The following CEP112 variants were observed in gnomAD, a reference collection of about 807,000 sequenced individuals.
CEP112 encodes the protein centrosomal protein of 112 kDa.
In CEP112, 127 loss-of-function variants were observed where a neutral mutation model predicts 153.0. The ratio of observed to expected loss-of-function variants is 0.83; its 90% CI spans 0.72 to 0.96. The LOEUF is 0.96. CEP112 is among the 40% of genes least tolerant of loss of function. The pLI is 0.00. For missense variants in CEP112, 1,089 were observed against 1,101.2 expected, an observed-to-expected ratio of 0.99 and a Z score of 0.16; for synonymous variants, 358 against 374.4, an observed-to-expected ratio of 0.96 and a Z score of 0.51.
intron 21 of CEP112, 27 bp downstream of exon 21, chr17:65,851,777 T>C (rs763199697): frequency 6.5e-7 from 1 of 1,531,572 alleles, no homozygotes; most frequent in Non-Finnish European, 9.0e-7. Context: ...TTCAACTGCC[T>C]ATTAAAAAAC....
chr17:65,987,822 C>T (rs960235856), intron 17 of CEP112, among the ~76,000 whole-genome samples: 8 of 152,152 alleles, frequency 5.3e-5, no homozygotes, highest in Admixed American at 4.6e-4. Context: ...AATTTCCCCT[C>T]GACCCAGAGT....
rs759825168 is a variant in CEP112 at position 66,025,920 on chromosome 17, T to TAC, written c.1656+1579_1656+1580dup. Reference sequence around the variant, plus strand: ...ATGACTGGATAAAGAAAATGTGGCATACACACACACACACACACACACACA... The same window carrying TAC: ...ATGACTGGATAAAGAAAATGTGGCATACACACACACACACACACACACACACA... On this transcript the variant is annotated intron_variant, in intron 16 of 26. Transcript: ENST00000535342. 1.8e-3 allele frequency among the ~76,000 whole-genome samples: 227 copies of TAC among 124,594 alleles called. 2 individuals carry two copies. The highest frequency in any genetic ancestry group is 8.3e-3 in the South Asian group (30 of 3,612). The allele number at this position is 124,594 out of a possible 152,430, so 81.7% of individuals were successfully genotyped here. A position where few individuals can be genotyped will look rare whatever the true frequency, so the allele number is the denominator to read the frequency against.
chr17:65,887,936 G>C (rs763129514), intron 20 of CEP112, among the ~76,000 whole-genome samples: 2 of 152,106 alleles, frequency 1.3e-5, no homozygotes, highest in Admixed American at 1.3e-4. Context: ...TTCAAAGCAG[G>C]TAAAGTTTGC....
chr17:65,784,870 T>C lies in CEP112; in HGVS notation c.2395-34146A>G, dbSNP rs527686544. Among the ~76,000 whole-genome samples, 5 of 152,332 alleles carry C rather than the reference T, an allele frequency of 3.3e-5. 1 individual carries two copies. In the East Asian group the frequency reaches 9.7e-4, roughly 29 times the overall value. On this transcript the variant is annotated intron_variant, in intron 21 of 26. Transcript: ENST00000535342. ...AACTGCACCATTCAGTGGTTTTTAGTATATTCATAGATCTGTACATTTATC... is the reference window on the plus strand; with the variant it reads ...AACTGCACCATTCAGTGGTTTTTAGCATATTCATAGATCTGTACATTTATC...
chr17:65,918,572 T>C (rs1457124593), intron 19 of CEP112, among the ~76,000 whole-genome samples: 1 of 152,186 alleles, frequency 6.6e-6, no homozygotes, highest in Admixed American at 6.5e-5. Flanking sequence ...AGCAAAGATA[T>C]AAAACACAAG....
At chr17:65,752,912 A>G (rs2051978434) in intron 21 of CEP112, among the ~76,000 whole-genome samples, 1 of 152,188 alleles carries the variant, frequency 6.6e-6, no homozygotes, top group African/African-American at 2.4e-5. Context: ...TTGATGCCTG[A>G]GTCTCATCTG....
At chr17:65,916,289 G>GTGTGTGTGTGTGTGTGTGTA (rs777844271) in intron 19 of CEP112, among the ~76,000 whole-genome samples, 5 of 147,366 alleles carry the variant, frequency 3.4e-5, no homozygotes, top group Non-Finnish European at 7.5e-5. Context: ...GTGTGTGTGT[G>GTGTGTGTGTGTGTGTGTGTA]TGTATGTGTG....
At chr17:65,924,512 G>A (rs748539281) in intron 19 of CEP112, among the ~76,000 whole-genome samples, 1 of 152,006 alleles carries the variant, frequency 6.6e-6, no homozygotes, top group Non-Finnish European at 1.5e-5. Context: ...ATTCACATGT[G>A]CATATGTGTC....
At chr17:66,069,270 A>G (rs1305909621) in intron 9 of CEP112, among the ~76,000 whole-genome samples, 1 of 152,058 alleles carries the variant, frequency 6.6e-6, no homozygotes, top group African/African-American at 2.4e-5. Flanking sequence ...AAAAACACAT[A>G]CATACATTAT....
intron 21 of CEP112, among the ~76,000 whole-genome samples, chr17:65,810,694 A>G (rs1434250404): frequency 1.3e-5 from 2 of 151,960 alleles, no homozygotes; most frequent in Non-Finnish European, 2.9e-5. Context: ...ATTCTTTAAC[A>G]TATTATTTCA....
chr17:66,189,635 G>A (rs2073088087), intron 1 of CEP112, among the ~76,000 whole-genome samples: 1 of 151,678 alleles, frequency 6.6e-6, no homozygotes, highest in Non-Finnish European at 1.5e-5. Context: ...CTAAAAATCT[G>A]CTTCTTCTTA....
chr17:65,957,027 A>G (rs919903690), intron 18 of CEP112, among the ~76,000 whole-genome samples: 1 of 152,184 alleles, frequency 6.6e-6, no homozygotes, highest in Admixed American at 6.5e-5. Flanking sequence ...TGGGTAGGAC[A>G]GAGCAGGACG....
chr17:65,642,006 G>A (rs2045164727), intron 24 of CEP112, among the ~76,000 whole-genome samples: 2 of 152,152 alleles, frequency 1.3e-5, no homozygotes, highest in South Asian at 4.1e-4. Context: ...TAGGTTGGTG[G>A]CTCATCCCAT....
chr17:65,795,812 G>GAAATAAAT (rs931391433), intron 21 of CEP112, among the ~76,000 whole-genome samples: 3 of 151,776 alleles, frequency 2.0e-5, no homozygotes, highest in Admixed American at 6.6e-5. Flanking sequence ...GCTCTGTCTC[G>GAAATAAAT]AAATAAATAA....
At chr17:65,920,351 C>T (rs1308391779) in intron 19 of CEP112, among the ~76,000 whole-genome samples, 2 of 54,862 alleles carry the variant, frequency 3.6e-5, no homozygotes, top group Non-Finnish European at 7.0e-5. Context: ...TGTCTAAAAA[C>T]AAACAAACAA....
chr17:65,649,268 A>T (rs531441468), intron 24 of CEP112, among the ~76,000 whole-genome samples: 1 of 152,322 alleles, frequency 6.6e-6, no homozygotes, highest in East Asian at 1.9e-4. Flanking sequence ...TGCAAGCTCC[A>T]ATGTGCCTAA....
chr17:65,777,965 G>A (rs1216420780), intron 21 of CEP112, among the ~76,000 whole-genome samples: 1 of 152,048 alleles, frequency 6.6e-6, no homozygotes. Flanking sequence ...ACCCAATTCA[G>A]TTATTTCTCA....
chr17:65,641,993 A>G (rs1449835466), intron 24 of CEP112, among the ~76,000 whole-genome samples: 2 of 152,280 alleles, frequency 1.3e-5, no homozygotes, highest in East Asian at 3.9e-4. Flanking sequence ...CTAGTAAAAA[A>G]AATAGGTTGG....
intron 19 of CEP112, among the ~76,000 whole-genome samples, chr17:65,908,867 T>C (rs9914514): frequency 0.18 from 27,365 of 152,128 alleles, 2,632 homozygotes; most frequent in Admixed American, 0.28. Flanking sequence ...TTCATTCCAA[T>C]TGAACTTTCA....
Sources: gnomAD v4.1 joint callset for allele counts (sites outside exome capture counted in the v4.1 genomes callset) on GRCh38, gnomAD v4.1.1 for gene constraint, MANE v1.5 for transcripts, NCBI Gene and HGNC (gene_info 2026-07-23, HGNC 2026-07-21) for gene names.